The following PDXDC1 variants were observed in gnomAD, a reference collection of about 807,000 sequenced individuals.
The protein encoded by PDXDC1 is pyridoxal-dependent decarboxylase domain-containing protein 1.
In PDXDC1, 42 loss-of-function variants were observed where a neutral mutation model predicts 100.1. That is an observed-to-expected ratio of 0.42 (90% CI 0.33 to 0.54). The LOEUF is 0.54. PDXDC1 is among the 20% of genes least tolerant of loss of function. PDXDC1 has a pLI of 0.10. For synonymous variants in PDXDC1, 260 were observed against 371.7 expected, an observed-to-expected ratio of 0.70 and a Z score of 3.46; for missense variants, 636 against 979.2, an observed-to-expected ratio of 0.65 and a Z score of 4.68.
At chr16:15,026,951 A>C (rs2042648641) in intron 14 of PDXDC1, among the ~76,000 whole-genome samples, 1 of 152,280 alleles carries the variant, frequency 6.6e-6, no homozygotes, top group Admixed American at 6.5e-5. Flanking sequence ...GGAATGGCTA[A>C]GAAAGAGTTG....
downstream of PDXDC1, among the ~76,000 whole-genome samples, chr16:15,141,260 CG>C (rs2048470706): frequency 6.6e-6 from 1 of 152,208 alleles, no homozygotes; most frequent in African/African-American, 2.4e-5. Flanking sequence ...TGGTGGGGCC[CG>C]GGGCCAGGGC....
intron 16 of PDXDC1, among the ~76,000 whole-genome samples, chr16:15,132,422 G>A (rs1231436777): frequency 5.2e-5 from 6 of 114,802 alleles, no homozygotes; most frequent in Admixed American, 4.2e-4. Flanking sequence ...GGAGGGGCTA[G>A]GGGAGGGAAG....
At chr16:15,145,791 A>G in the PDXDC1 span, among the ~76,000 whole-genome samples, 2 of 152,276 alleles carry the variant, frequency 1.3e-5, no homozygotes, top group African/African-American at 4.8e-5. Context: ...GTGCCCGCAG[A>G]CGTGCCCGGC....
intron 16 of PDXDC1, among the ~76,000 whole-genome samples, chr16:15,101,934 C>G (rs1210605152): frequency 1.3e-5 from 2 of 151,812 alleles, no homozygotes; most frequent in African/African-American, 4.8e-5. Flanking sequence ...CCGCAACCTC[C>G]ACCTCCTGGG....
At chr16:15,083,639 A>G (rs1239349768) in intron 16 of PDXDC1, 46 of 1,575,792 alleles carry the variant, frequency 2.9e-5, no homozygotes, top group Non-Finnish European at 3.7e-5. Flanking sequence ...AAAAGGAATA[A>G]AAAGGAAAAC....
intron 16 of PDXDC1, chr16:15,044,339 A>G (rs1405904373): frequency 1.2e-6 from 2 of 1,606,884 alleles, no homozygotes; most frequent in Non-Finnish European, 1.7e-6. Flanking sequence ...CTTACTAAGA[A>G]GTTGATGAGT....
At chr16:15,020,975 A>AAACACACACACAC (rs370903249) in intron 12 of PDXDC1, among the ~76,000 whole-genome samples, 35 of 145,800 alleles carry the variant, frequency 2.4e-4, no homozygotes, top group African/African-American at 8.2e-4. Context: ...GCACCATCTA[A>AAACACACACACAC]ACACACACAC....
chr16:14,977,675 G>A (rs1597229645), intron 1 of PDXDC1, among the ~76,000 whole-genome samples: 1 of 152,280 alleles, frequency 6.6e-6, no homozygotes. Context: ...AAGCATTGCT[G>A]TAATATGAAT....
chr16:15,038,724 T>A, downstream of PDXDC1: 2 of 1,179,944 alleles, frequency 1.7e-6, no homozygotes, highest in Non-Finnish European at 2.5e-6. Flanking sequence ...ATTTCAGGAA[T>A]GTCACCCACT....
chr16:15,150,026 A>G, the PDXDC1 span, among the ~76,000 whole-genome samples: 10 of 152,130 alleles, frequency 6.6e-5, no homozygotes, highest in South Asian at 2.1e-3. Flanking sequence ...AAGGAAAAAG[A>G]GAGGAAGGGA....
At chr16:15,097,024 G>A (rs2046381902) in intron 16 of PDXDC1, among the ~76,000 whole-genome samples, 1 of 152,166 alleles carries the variant, frequency 6.6e-6, no homozygotes, top group Non-Finnish European at 1.5e-5. Flanking sequence ...AGCTTTGGGA[G>A]GCTGAGGCAG....
At chr16:14,984,897 CAG>C (rs1268410877) in intron 1 of PDXDC1, among the ~76,000 whole-genome samples, 3 of 152,184 alleles carry the variant, frequency 2.0e-5, no homozygotes, top group Non-Finnish European at 2.9e-5. Context: ...TCCCCTGAAA[CAG>C]AGTCTTGCTC....
rs773491232 is a variant in PDXDC1 at position 15,065,242 on chromosome 16, G to C, written c.1399+35186G>C. The C allele has an allele frequency of 5.0e-6, 8 of 1,613,700 alleles. No homozygotes were observed. In the South Asian group the frequency reaches 7.7e-5, roughly 16 times the overall value. ...ACCTCTTCAGCACACAGGGATCAAA[G>C]GGGAAGAAGGTGTCCAGCGGGTTTG... On this transcript the variant is annotated intron_variant, in intron 16 of 16. Coordinates refer to the PDXDC1 transcript ENST00000535621.
intron 13 of PDXDC1, chr16:15,025,648 T>G (rs2042539608): frequency 1.3e-5 from 2 of 152,432 alleles, no homozygotes; most frequent in African/African-American, 4.8e-5. Flanking sequence ...CATTTCCTGT[T>G]GCGGCCCTAC....
the PDXDC1 span, among the ~76,000 whole-genome samples, chr16:15,145,612 C>T: frequency 2.6e-5 from 4 of 152,378 alleles, no homozygotes; most frequent in Admixed American, 1.3e-4. Flanking sequence ...GGACCCAGCC[C>T]GCCTCAGCCC....
intron 16 of PDXDC1, chr16:15,136,133 T>A: frequency 1.3e-6 from 2 of 1,487,364 alleles, no homozygotes; most frequent in Admixed American, 3.6e-5. Context: ...TCTAGGCTCC[T>A]GGGGGCGGGT....
At chr16:14,982,791 T>A (rs1247694522) in intron 1 of PDXDC1, among the ~76,000 whole-genome samples, 2 of 152,286 alleles carry the variant, frequency 1.3e-5, no homozygotes, top group East Asian at 3.8e-4. Context: ...ACGTGTGTGG[T>A]GTTTGGGGAA....
chr16:15,067,187 G>A (rs1319731733), intron 16 of PDXDC1, among the ~76,000 whole-genome samples: 3 of 151,910 alleles, frequency 2.0e-5, no homozygotes, highest in East Asian at 1.9e-4. Flanking sequence ...AGAGGCTGAC[G>A]GAGCTCAGCA....
downstream of PDXDC1, chr16:15,040,326 C>G (rs2043756916): frequency 2.5e-6 from 1 of 395,836 alleles, no homozygotes. Context: ...TGGGAGGCAG[C>G]CATTCCTTCA....
Sources: allele counts gnomAD v4.1 joint callset (sites outside exome capture counted in the v4.1 genomes callset), GRCh38; gene constraint gnomAD v4.1.1; transcripts MANE v1.5; gene names NCBI Gene and HGNC (gene_info 2026-07-23, HGNC 2026-07-21).